CNTN4: variants seen among roughly 807,000 people sequenced by gnomAD.
The protein encoded by CNTN4 is contactin 4, also known as contactin-4.
A neutral mutation model predicts 122.5 loss-of-function variants in CNTN4; 77 were observed. That is an observed-to-expected ratio of 0.63 (90% CI 0.52 to 0.76). The LOEUF is 0.76. CNTN4 is among the 30% of genes least tolerant of loss of function. CNTN4 has a pLI of 0.00. For synonymous variants in CNTN4, 512 were observed against 447.0 expected (o/e 1.15, Z -1.83); for missense variants, 1,256 against 1,259.1 (o/e 1.00, Z 0.04).
intron 2 of CNTN4, among the ~76,000 whole-genome samples, chr3:2,242,718 C>G (rs2039991301): frequency 6.6e-6 from 1 of 152,124 alleles, no homozygotes; most frequent in Non-Finnish European, 1.5e-5. Context: ...ACATTTCACC[C>G]TTCCGCATAT....
chr3:2,290,426 C>G (rs1002713972), intron 2 of CNTN4, among the ~76,000 whole-genome samples: 1 of 152,142 alleles, frequency 6.6e-6, no homozygotes, highest in South Asian at 2.1e-4. Flanking sequence ...ATACGTACAA[C>G]ACCTGTTAAT....
chr3:2,720,739 G>T (rs911096571), intron 4 of CNTN4, among the ~76,000 whole-genome samples: 2 of 152,142 alleles, frequency 1.3e-5, no homozygotes, highest in African/African-American at 2.4e-5. Flanking sequence ...AAGACATTTT[G>T]TGTTTACATA....
intron 6 of CNTN4, among the ~76,000 whole-genome samples, chr3:2,785,495 C>G (rs1019688869): frequency 6.6e-6 from 1 of 152,200 alleles, no homozygotes; most frequent in Non-Finnish European, 1.5e-5. Flanking sequence ...CTGACCTCAT[C>G]TGGAAGCACC....
At chr3:2,840,890 A>C (rs1018857565) in intron 7 of CNTN4, among the ~76,000 whole-genome samples, 1 of 152,026 alleles carries the variant, frequency 6.6e-6, no homozygotes, top group Non-Finnish European at 1.5e-5. Flanking sequence ...AAAGGCTTGC[A>C]TAAGGTCACC....
intron 3 of CNTN4, among the ~76,000 whole-genome samples, chr3:2,522,349 A>G (rs186920649): frequency 2.0e-5 from 3 of 152,224 alleles, no homozygotes; most frequent in African/African-American, 7.2e-5. Flanking sequence ...AGGTGGTTGC[A>G]TTTTCCACAG....
intron 3 of CNTN4, among the ~76,000 whole-genome samples, chr3:2,565,554 T>A (rs1185362325): frequency 1.3e-5 from 2 of 152,202 alleles, no homozygotes; most frequent in Non-Finnish European, 2.9e-5. Flanking sequence ...ACATATAAAC[T>A]ATATCTTGTA....
At chr3:2,886,415 TAAAA>T (rs201855836) in intron 9 of CNTN4, among the ~76,000 whole-genome samples, 1 of 130,668 alleles carries the variant, frequency 7.7e-6, no homozygotes, top group Non-Finnish European at 1.7e-5. Flanking sequence ...AAAAATATAT[TAAAA>T]AAAAAAGAAA....
At chr3:2,957,238 A>G (rs1360854310) in intron 13 of CNTN4, among the ~76,000 whole-genome samples, 2 of 152,148 alleles carry the variant, frequency 1.3e-5, no homozygotes, top group Non-Finnish European at 2.9e-5. Context: ...GGTTATACCA[A>G]TTTACATTCC....
chr3:2,726,999 A>G (rs998035825), intron 4 of CNTN4, among the ~76,000 whole-genome samples: 1 of 152,170 alleles, frequency 6.6e-6, no homozygotes, highest in Admixed American at 6.5e-5. Flanking sequence ...ATAAAGTTCT[A>G]TTAATTAAAA....
At chr3:2,569,896 T>C (rs1458102443) in intron 3 of CNTN4, among the ~76,000 whole-genome samples, 1 of 152,104 alleles carries the variant, frequency 6.6e-6, no homozygotes, top group South Asian at 2.1e-4. Flanking sequence ...CATATTGCAA[T>C]TATATGAAAT....
At chr3:3,030,757 G>C in intron 15 of CNTN4, 98 bp from the exon 16 acceptor site, 2 of 1,378,398 alleles carry the variant, frequency 1.5e-6, no homozygotes, top group South Asian at 1.2e-5. Context: ...TCATCAGCCA[G>C]TGTAAAATAA....
Position 2,900,834 on chromosome 3 carries a change from A to G in CNTN4, c.1077+13A>G, listed in dbSNP as rs375922829. On this transcript the variant is annotated intron_variant, in intron 11 of 24. Transcript: ENST00000418658. Reference sequence around the variant, plus strand: ...TCTGCTAACTCGGGTAAGCAAGTTAATGGTAATTGTGCCTTAGTCTTGACT... The same window carrying G: ...TCTGCTAACTCGGGTAAGCAAGTTAGTGGTAATTGTGCCTTAGTCTTGACT... The G allele has an allele frequency of 4.3e-6, 7 of 1,613,670 alleles. No homozygotes were observed. Among genetic ancestry groups the G allele is most frequent in the Non-Finnish European group, 5.9e-6 (7 of 1,179,676 alleles).
chr3:2,673,651 C>T (rs1323827091), intron 4 of CNTN4, among the ~76,000 whole-genome samples: 4 of 152,166 alleles, frequency 2.6e-5, no homozygotes, highest in Admixed American at 2.6e-4. Context: ...CGCCATTCTC[C>T]TGCCTCAGCC....
At chr3:2,248,625 T>C (rs2040245088) in intron 2 of CNTN4, among the ~76,000 whole-genome samples, 1 of 152,020 alleles carries the variant, frequency 6.6e-6, no homozygotes, top group African/African-American at 2.4e-5. Context: ...AAGCCTTCTA[T>C]GGGTTGCTTC....
chr3:2,602,816 C>T (rs1280420297), intron 4 of CNTN4, among the ~76,000 whole-genome samples: 1 of 152,170 alleles, frequency 6.6e-6, no homozygotes. Context: ...TACAGGTTGT[C>T]TTCCTTAGCA....
intron 6 of CNTN4, among the ~76,000 whole-genome samples, chr3:2,779,741 G>A (rs1245767416): frequency 6.6e-6 from 1 of 152,122 alleles, no homozygotes; most frequent in Non-Finnish European, 1.5e-5. Flanking sequence ...ACAGGATAAT[G>A]TATTTGAAGT....
chr3:2,269,511 G>A (rs543648863), intron 2 of CNTN4, among the ~76,000 whole-genome samples: 2 of 152,178 alleles, frequency 1.3e-5, no homozygotes, highest in South Asian at 4.1e-4. Flanking sequence ...TAATCTCTCA[G>A]AAGAACATCA....
intron 2 of CNTN4, among the ~76,000 whole-genome samples, chr3:2,197,736 C>A (rs2037912800): frequency 6.6e-6 from 1 of 152,072 alleles, no homozygotes; most frequent in South Asian, 2.1e-4. Context: ...AGAATTCTGT[C>A]CAGGCACGGT....
In CNTN4 at chr3:2,278,361, G is replaced by A. The variant is rs368707523; in HGVS notation, c.-144-60817G>A. 2.6e-5 allele frequency among the ~76,000 whole-genome samples: 4 copies of A among 152,302 alleles called. No homozygotes were observed. In the South Asian group the frequency reaches 6.2e-4, roughly 24 times the overall value. ...ACTTCACACATCCCAGTGAACCTCAGCACATTAGCTGGTTACTGAGAAGGT... is the reference window on the plus strand; with the variant it reads ...ACTTCACACATCCCAGTGAACCTCAACACATTAGCTGGTTACTGAGAAGGT... On this transcript the variant is annotated intron_variant, in intron 2 of 24. Coordinates refer to ENST00000418658, the MANE Select transcript of CNTN4 (RefSeq NM_175607.3).
Sources: allele counts gnomAD v4.1 joint callset (sites outside exome capture counted in the v4.1 genomes callset), GRCh38; gene constraint gnomAD v4.1.1; transcripts MANE v1.5; gene names NCBI Gene and HGNC (gene_info 2026-07-23, HGNC 2026-07-21).